The following RYR2 variants were observed in gnomAD, a reference collection of about 807,000 sequenced individuals.
RYR2 encodes cardiac muscle ryanodine receptor-calcium release channel.
Under a neutral mutation model 601.1 loss-of-function variants are expected in RYR2, and 227 were observed. The ratio of observed to expected loss-of-function variants is 0.38; its 90% CI spans 0.34 to 0.42. RYR2 has a LOEUF of 0.42. Among genes scored for constraint, RYR2 ranks in the 10% least tolerant of loss-of-function variants. The pLI is 1.00. For synonymous variants in RYR2, 2,223 were observed against 2,175.1 expected (o/e 1.02, Z -0.61); for missense variants, 4,646 against 6,156.5 (o/e 0.75, Z 8.21).
At chr1:237,225,267 A>G (rs1461599432) in intron 1 of RYR2, among the ~76,000 whole-genome samples, 1 of 152,196 alleles carries the variant, frequency 6.6e-6, no homozygotes, top group Non-Finnish European at 1.5e-5. Flanking sequence ...TGTCCCCAAG[A>G]GGAAGAAAGT....
At chr1:237,356,431 T>A (rs1322388648) in intron 4 of RYR2, among the ~76,000 whole-genome samples, 3 of 77,554 alleles carry the variant, frequency 3.9e-5, no homozygotes, top group African/African-American at 2.1e-4. Flanking sequence ...TCATAGAACC[T>A]TTTTTTTTTT....
At chr1:237,362,754 A>G (rs1699885088) in intron 4 of RYR2, among the ~76,000 whole-genome samples, 1 of 152,266 alleles carries the variant, frequency 6.6e-6, no homozygotes, top group East Asian at 1.9e-4. Flanking sequence ...TAATACCACA[A>G]ATCTTTCATG....
At chr1:237,229,865 C>A (rs1453213876) in intron 1 of RYR2, among the ~76,000 whole-genome samples, 1 of 152,156 alleles carries the variant, frequency 6.6e-6, no homozygotes, top group Non-Finnish European at 1.5e-5. Context: ...ACCAACCCTG[C>A]GTCCACTCTG....
chr1:237,358,255 T>G (rs1420169868), intron 4 of RYR2, among the ~76,000 whole-genome samples: 1 of 152,056 alleles, frequency 6.6e-6, no homozygotes, highest in Non-Finnish European at 1.5e-5. Flanking sequence ...CCCAAATCTG[T>G]ATAATAGGTG....
At chr1:237,072,180 G>A (rs1001432721) in intron 1 of RYR2, among the ~76,000 whole-genome samples, 3 of 152,172 alleles carry the variant, frequency 2.0e-5, no homozygotes, top group Non-Finnish European at 4.4e-5. Context: ...TGTTCCTCGT[G>A]CCCTCCGGCT....
chr1:237,332,766 T>C (rs1274925190), intron 3 of RYR2, among the ~76,000 whole-genome samples: 2 of 152,248 alleles, frequency 1.3e-5, no homozygotes, highest in African/African-American at 2.4e-5. Flanking sequence ...AGAAGATCTT[T>C]TATCTTCTTC....
At chr1:237,612,975 G>GAAAATAA (rs1678053984) in intron 36 of RYR2, among the ~76,000 whole-genome samples, 1 of 152,168 alleles carries the variant, frequency 6.6e-6, no homozygotes, top group Admixed American at 6.5e-5. Context: ...ATATGGATAG[G>GAAAATAA]AAAATAAAAC....
At chr1:237,392,019 C>G (rs1702427243) in intron 10 of RYR2, among the ~76,000 whole-genome samples, 1 of 152,000 alleles carries the variant, frequency 6.6e-6, no homozygotes. Flanking sequence ...TAGTAGACAA[C>G]TTGTCTAAAC....
At chr1:237,594,250 C>T (rs1229615696) in intron 33 of RYR2, among the ~76,000 whole-genome samples, 1 of 152,182 alleles carries the variant, frequency 6.6e-6, no homozygotes, top group Non-Finnish European at 1.5e-5. Context: ...AAGAGAAGAT[C>T]TGACCATTGG....
chr1:237,312,188 G>A (rs1294323029), intron 2 of RYR2, among the ~76,000 whole-genome samples: 2 of 152,036 alleles, frequency 1.3e-5, no homozygotes, highest in Non-Finnish European at 2.9e-5. Context: ...AAGAGAAATA[G>A]GTAAATATAA....
At chr1:237,262,295 G>A (rs1026744606) in intron 1 of RYR2, among the ~76,000 whole-genome samples, 3 of 102,382 alleles carry the variant, frequency 2.9e-5, no homozygotes, top group African/African-American at 3.7e-5. Flanking sequence ...CACTCTTGTC[G>A]CCCAGGCCAG....
chr1:237,505,124 T>C (rs1277308981), intron 22 of RYR2, among the ~76,000 whole-genome samples: 1 of 152,232 alleles, frequency 6.6e-6, no homozygotes, highest in African/African-American at 2.4e-5. Context: ...CATCAAGTAC[T>C]CTTCCCTTAG....
At chr1:237,442,562 T>C (rs1708005228) in intron 13 of RYR2, among the ~76,000 whole-genome samples, 1 of 152,208 alleles carries the variant, frequency 6.6e-6, no homozygotes, top group Non-Finnish European at 1.5e-5. Flanking sequence ...TATTCTGTTA[T>C]CTCAATAATA....
At chr1:237,728,218 T>C (rs1386803540) in intron 76 of RYR2, among the ~76,000 whole-genome samples, 1 of 152,058 alleles carries the variant, frequency 6.6e-6, no homozygotes, top group East Asian at 1.9e-4. Flanking sequence ...GCAAAACAAA[T>C]AGAGGAAACA....
chr1:237,170,633 T>C (rs924629331), intron 1 of RYR2, among the ~76,000 whole-genome samples: 4 of 152,228 alleles, frequency 2.6e-5, no homozygotes, highest in African/African-American at 9.7e-5. Flanking sequence ...TTAAAGTGCC[T>C]CATGAGGATA....
chr1:237,341,390 CT>C (rs1255384044), intron 3 of RYR2, among the ~76,000 whole-genome samples: 3 of 152,156 alleles, frequency 2.0e-5, no homozygotes, highest in Admixed American at 6.6e-5. Context: ...GTCACCCAGG[CT>C]GGAGTGCAAT....
chr1:237,337,451 A>G (rs964407231), intron 3 of RYR2, among the ~76,000 whole-genome samples: 4 of 152,210 alleles, frequency 2.6e-5, no homozygotes, highest in Non-Finnish European at 4.4e-5. Flanking sequence ...AAAGATGAAG[A>G]AGATCTGTGT....
Position 237,528,118 on chromosome 1 carries a change from G to T in RYR2, c.2823-2309G>T, listed in dbSNP as rs117363484. Reference sequence around the variant, plus strand: ...ACAAAATTAAAGATGCTGGCAATTTGAATATGTCAAAGAGAAGCCATAAAG... The same window carrying T: ...ACAAAATTAAAGATGCTGGCAATTTTAATATGTCAAAGAGAAGCCATAAAG... On this transcript the variant is annotated intron_variant, in intron 24 of 104. Coordinates refer to ENST00000366574, the MANE Select transcript of RYR2 (RefSeq NM_001035.3). Among the ~76,000 whole-genome samples the T allele has an allele frequency of 4.9e-4, 75 of 152,224 alleles. 1 individual carries two copies. The East Asian group carries it at 0.013, about 27-fold the overall frequency.
intron 2 of RYR2, among the ~76,000 whole-genome samples, chr1:237,288,570 T>C (rs2149408951): frequency 6.6e-6 from 1 of 151,944 alleles, no homozygotes; most frequent in African/African-American, 2.4e-5. Flanking sequence ...TGCTGAGTCA[T>C]GCAGGTTGTC....
Sources: allele counts gnomAD v4.1 joint callset (sites outside exome capture counted in the v4.1 genomes callset), GRCh38; gene constraint gnomAD v4.1.1; transcripts MANE v1.5; gene names NCBI Gene and HGNC (gene_info 2026-07-23, HGNC 2026-07-21).